Variants in NRBF2 observed in about 807,000 individuals in gnomAD.
NRBF2 encodes the protein nuclear receptor binding factor 2, also known as nuclear receptor-binding factor 2.
In NRBF2, 12 loss-of-function variants were observed where a neutral mutation model predicts 28.5. That is an observed-to-expected ratio of 0.42 (90% CI 0.27 to 0.68). The LOEUF (loss-of-function observed/expected upper bound fraction) is 0.68, where lower values mean the gene tolerates loss of function less well. Ranked by LOEUF, NRBF2 falls within the 30% of genes least tolerant of loss-of-function variation. The pLI is 0.24. For missense variants in NRBF2, 274 were observed against 333.5 expected, an observed-to-expected ratio of 0.82 and a Z score of 1.39; for synonymous variants, 102 against 116.5, an observed-to-expected ratio of 0.88 and a Z score of 0.80.
intron 2 of NRBF2, among the ~76,000 whole-genome samples, chr10:63,149,712 T>C (rs561495408): frequency 6.6e-6 from 1 of 152,358 alleles, no homozygotes; most frequent in East Asian, 1.9e-4. Flanking sequence ...TGGGATATCC[T>C]TCTGTAACCT....
chr10:63,139,229 C>T (rs1841424984), intron 1 of NRBF2, among the ~76,000 whole-genome samples: 1 of 152,074 alleles, frequency 6.6e-6, no homozygotes, highest in Admixed American at 6.6e-5. Flanking sequence ...TGGCTGGTCT[C>T]GAACTCTTGC....
intron 2 of NRBF2, among the ~76,000 whole-genome samples, chr10:63,151,230 A>G (rs1304000389): frequency 6.6e-6 from 1 of 152,232 alleles, no homozygotes; most frequent in Non-Finnish European, 1.5e-5. Flanking sequence ...AGAGGAACTT[A>G]ATGTAGGTAT....
chr10:63,134,916 C>T (rs1403419263), intron 1 of NRBF2, among the ~76,000 whole-genome samples: 1 of 152,028 alleles, frequency 6.6e-6, no homozygotes, highest in Non-Finnish European at 1.5e-5. Context: ...GGCCAGGCGC[C>T]GGGGCTCACG....
intron 2 of NRBF2, among the ~76,000 whole-genome samples, chr10:63,151,095 G>GT (rs1331906791): frequency 6.6e-6 from 1 of 152,126 alleles, no homozygotes; most frequent in African/African-American, 2.4e-5. Flanking sequence ...TGATATAATT[G>GT]TATCTTAAAG....
In NRBF2 at chr10:63,133,410, C is replaced by A. The variant is rs1327553041; in HGVS notation, c.-61C>A. ...GGCTGCGTCGAGCTCCCTTGCAGTC[C>A]CCTCCATGTTCCCCGGCGCCACTAC... On this transcript the variant is annotated 5_prime_UTR_variant, in exon 1 of 4. Coordinates refer to ENST00000277746, the MANE Select transcript of NRBF2 (RefSeq NM_030759.5). 3 of 1,603,902 alleles carry A rather than the reference C, an allele frequency of 1.9e-6. No individual in the cohort carries two copies. Among genetic ancestry groups the A allele is most frequent in the Non-Finnish European group, 1.7e-6 (2 of 1,174,440 alleles).
At chr10:63,135,051 G>A (rs923147105) in intron 1 of NRBF2, among the ~76,000 whole-genome samples, 3 of 152,214 alleles carry the variant, frequency 2.0e-5, no homozygotes, top group African/African-American at 7.2e-5. Flanking sequence ...GCCTGGCGTG[G>A]TGGCGCCCGC....
At chr10:63,150,240 C>T in intron 2 of NRBF2, 1 of 303,666 alleles carries the variant, frequency 3.3e-6, no homozygotes, top group Non-Finnish European at 4.8e-6. Flanking sequence ...GTGTGAGCCA[C>T]CACACCCGGC....
At chr10:63,149,546 T>TTC (rs1269838452) in intron 2 of NRBF2, among the ~76,000 whole-genome samples, 22 of 152,352 alleles carry the variant, frequency 1.4e-4, no homozygotes, top group African/African-American at 5.1e-4. Flanking sequence ...ATACTTTTGT[T>TTC]TCTATTGTGA....
chr10:63,150,607 T>C (rs1841632962), intron 2 of NRBF2, among the ~76,000 whole-genome samples: 1 of 152,082 alleles, frequency 6.6e-6, no homozygotes, highest in African/African-American at 2.4e-5. Context: ...CAGGGACTGG[T>C]TTTGTGGAAG....
chr10:63,152,473 C>G (rs1399542657), intron 3 of NRBF2, among the ~76,000 whole-genome samples: 2 of 152,224 alleles, frequency 1.3e-5, no homozygotes, highest in Non-Finnish European at 2.9e-5. Flanking sequence ...CGGACCATTC[C>G]TAATCATTAG....
chr10:63,151,703 ATG>A (rs1841652345), intron 2 of NRBF2, among the ~76,000 whole-genome samples: 1 of 152,212 alleles, frequency 6.6e-6, no homozygotes, highest in Non-Finnish European at 1.5e-5. Flanking sequence ...CATAAGGCTG[ATG>A]GTTTAACTCA....
chr10:63,137,192 C>T (rs886760070), intron 1 of NRBF2, among the ~76,000 whole-genome samples: 1 of 152,220 alleles, frequency 6.6e-6, no homozygotes, highest in African/African-American at 2.4e-5. Flanking sequence ...CCAAGCTGGT[C>T]TTGAACTCCT....
At chr10:63,151,227 C>A (rs1841644597) in intron 2 of NRBF2, among the ~76,000 whole-genome samples, 1 of 152,132 alleles carries the variant, frequency 6.6e-6, no homozygotes, top group Non-Finnish European at 1.5e-5. Context: ...AAAAGAGGAA[C>A]TTAATGTAGG....
At chr10:63,144,417 CTTT>C (rs58418737) in intron 1 of NRBF2, among the ~76,000 whole-genome samples, 2 of 138,944 alleles carry the variant, frequency 1.4e-5, no homozygotes, top group Admixed American at 7.3e-5. Flanking sequence ...ATTATCTTCC[CTTT>C]TTTTTTTTTT....
chr10:63,153,961 A>G lies in NRBF2; in HGVS notation c.607A>G (p.Lys203Glu). The G allele has an allele frequency of 6.2e-7, 1 of 1,611,968 alleles. No individual in the cohort carries two copies. Among genetic ancestry groups the G allele is most frequent in the South Asian group, 1.1e-5 (1 of 90,986 alleles). The change falls in exon 4 of 4, where the codon AAG becomes GAG. Residue 203 changes from lysine to glutamate, a missense_variant. Coordinates refer to ENST00000277746, the MANE Select transcript of NRBF2 (RefSeq NM_030759.5). The part of the protein sequence containing the change: ...RKENKQLKAE[K>E]ARLLKGPIEK... Reference sequence around the variant, plus strand: ...AGAAAATAAACAACTAAAGGCTGAAAAGGCCAGACTTCTAAAAGGTCCAAT... The same window carrying G: ...AGAAAATAAACAACTAAAGGCTGAAGAGGCCAGACTTCTAAAAGGTCCAAT...
At chr10:63,142,776 C>CTTTT (rs1202067005) in intron 1 of NRBF2, among the ~76,000 whole-genome samples, 1 of 26,500 alleles carries the variant, frequency 3.8e-5, no homozygotes, top group African/African-American at 1.4e-4. Context: ...TTCTTTCTTT[C>CTTTT]TTTCTTTTTT....
chr10:63,143,839 A>G (rs1412040922), intron 1 of NRBF2, among the ~76,000 whole-genome samples: 1 of 146,170 alleles, frequency 6.8e-6, no homozygotes, highest in Non-Finnish European at 1.5e-5. Context: ...TGCAGCCTCC[A>G]TTACCCAGGC....
chr10:63,150,329 CAA>C (rs1217553999), intron 2 of NRBF2: 26 of 970,498 alleles, frequency 2.7e-5, no homozygotes, highest in Non-Finnish European at 3.2e-5. Context: ...GAAAAAAAGA[CAA>C]GGGTTGTGGG....
In NRBF2 at chr10:63,146,228, G is replaced by T; in HGVS notation, c.50G>T (p.Arg17Leu). 2 of 1,611,966 alleles carry T rather than the reference G, an allele frequency of 1.2e-6. No homozygotes were observed. The highest frequency in any genetic ancestry group is 2.2e-5 in the South Asian group (2 of 90,952). The change falls in exon 2 of 4, where the codon CGA becomes CTA. Residue 17 changes from arginine (R) to leucine (L), a missense_variant. By Grantham distance (102) the Arg-to-Leu change is moderately radical. Transcript: ENST00000277746. ...PLNLAHQQSR[R>L]ADRLLAAGKY... The stretch of plus-strand genomic sequence containing the variant: ...TTCTAGGCTCATCAACAGAGCAGAC[G>T]AGCAGACCGTTTATTAGCTGCAGGC...
Sources: allele counts gnomAD v4.1 joint callset (sites outside exome capture counted in the v4.1 genomes callset), GRCh38; gene constraint gnomAD v4.1.1; transcripts MANE v1.5; gene names NCBI Gene and HGNC (gene_info 2026-07-23, HGNC 2026-07-21).